The following ILDR1 variants were observed in gnomAD, a reference collection of about 807,000 sequenced individuals.
ILDR1 encodes immunoglobulin-like domain-containing receptor 1.
ILDR1 carries 56 observed loss-of-function variants against 62.4 expected under a neutral mutation model. The observed-to-expected ratio is 0.90, with a 90% CI of 0.72 to 1.12. ILDR1 has a LOEUF of 1.12. ILDR1 is among the 50% of genes most tolerant of loss of function. ILDR1 has a pLI of 0.00. For missense variants in ILDR1, 736 were observed against 710.6 expected, an observed-to-expected ratio of 1.04 and a Z score of -0.41; for synonymous variants, 284 against 277.8, an observed-to-expected ratio of 1.02 and a Z score of -0.22.
In ILDR1 at chr3:121,994,093, G is replaced by A. The variant is rs2071401179; in HGVS notation, c.778+89C>T. On this transcript the variant is annotated intron_variant, in intron 6 of 7. Coordinates refer to ENST00000344209, the MANE Select transcript of ILDR1 (RefSeq NM_001199799.2). ...TCCCATCTCCATCATGAAGATGCCT[G>A]CCGCATCGGTCACAGAGGTCTTGAT... The A allele has an allele frequency of 7.3e-6, 11 of 1,505,576 alleles. No individual in the cohort carries two copies. In the South Asian group the frequency reaches 1.2e-4, roughly 16 times the overall value. The allele number at this position is 1,505,576 out of a possible 1,614,324, so 93.3% of individuals were successfully genotyped here.
chr3:122,061,241 A>G, the ILDR1 span, among the ~76,000 whole-genome samples: 1 of 152,206 alleles, frequency 6.6e-6, no homozygotes, highest in Admixed American at 6.5e-5. Flanking sequence ...CCAATATTAC[A>G]ACTATTTTCA....
chr3:122,009,941 T>C (rs2071679040), intron 1 of ILDR1, among the ~76,000 whole-genome samples: 1 of 152,208 alleles, frequency 6.6e-6, no homozygotes, highest in African/African-American at 2.4e-5. Context: ...AGGACTGGGC[T>C]GTGATGCAGA....
chr3:122,007,377 G>T, intron 1 of ILDR1: 1 of 943,434 alleles, frequency 1.1e-6, no homozygotes, highest in Non-Finnish European at 1.6e-6. Context: ...GAAGAAAGGA[G>T]TGAGGAAAAC....
At chr3:122,040,851 C>A in the ILDR1 span, among the ~76,000 whole-genome samples, 1 of 151,830 alleles carries the variant, frequency 6.6e-6, no homozygotes, top group Non-Finnish European at 1.5e-5. Flanking sequence ...TGGGTCCATT[C>A]ATGACTGTGT....
At chr3:122,009,665 A>C (rs1212294096) in intron 1 of ILDR1, among the ~76,000 whole-genome samples, 1 of 152,180 alleles carries the variant, frequency 6.6e-6, no homozygotes, top group Non-Finnish European at 1.5e-5. Context: ...AGAGTTTTCA[A>C]ACGGAGCCAC....
intron 7 of ILDR1, among the ~76,000 whole-genome samples, chr3:121,990,307 C>G (rs1203577882): frequency 6.6e-6 from 1 of 152,162 alleles, no homozygotes; most frequent in East Asian, 1.9e-4. Context: ...AGCAATCTGC[C>G]AAATCAAGCT....
At position 122,005,482 on chromosome 3, in the gene ILDR1, G is replaced by A. The variant is rs2071594971; in HGVS notation, c.230-89C>T. On this transcript the variant is annotated intron_variant, in intron 2 of 7. Transcript: ENST00000344209. ...CTTCCTGCTCCGGGCGTGAGACACA[G>A]TGAAGTGTCTCAATTTTTCCCAAGA... 5 of 1,410,774 alleles carry A rather than the reference G, an allele frequency of 3.5e-6. No homozygotes were observed. The Admixed American group carries it at 7.0e-5, about 20-fold the overall frequency. 87.4% of individuals were successfully genotyped at this position (1,410,774 alleles called of 1,614,324 possible). A position where few individuals can be genotyped will look rare whatever the true frequency, so the allele number is the denominator to read the frequency against.
the ILDR1 span, among the ~76,000 whole-genome samples, chr3:122,052,258 A>G: frequency 1.3e-5 from 2 of 152,134 alleles, no homozygotes; most frequent in African/African-American, 4.8e-5. Context: ...CCAGGCATCT[A>G]GAGTATGCCA....
chr3:122,028,526 G>T, the ILDR1 span, among the ~76,000 whole-genome samples: 1 of 152,110 alleles, frequency 6.6e-6, no homozygotes. Context: ...ACTAGGAAAA[G>T]ATATTTGCTG....
At chr3:121,989,357 A>T (rs909130157) in intron 7 of ILDR1, among the ~76,000 whole-genome samples, 10 of 152,228 alleles carry the variant, frequency 6.6e-5, no homozygotes, top group Non-Finnish European at 1.3e-4. Flanking sequence ...CATTTTGTTG[A>T]AAGTAGGAGA....
At chr3:122,019,315 T>A (rs1377996798) in intron 1 of ILDR1, among the ~76,000 whole-genome samples, 1 of 152,234 alleles carries the variant, frequency 6.6e-6, no homozygotes, top group Non-Finnish European at 1.5e-5. Context: ...ATATGTAATA[T>A]CCATTGTTAT....
the ILDR1 span, among the ~76,000 whole-genome samples, chr3:122,045,752 T>G: frequency 6.7e-6 from 1 of 149,164 alleles, no homozygotes; most frequent in East Asian, 1.9e-4. Context: ...CCTGCATTTT[T>G]TTGTTTTCCA....
upstream of ILDR1, among the ~76,000 whole-genome samples, chr3:122,025,680 G>A (rs1213946824): frequency 7.2e-5 from 11 of 152,272 alleles, 1 homozygote; most frequent in South Asian, 1.0e-3. Context: ...TTAGAATAAT[G>A]TAATATTTGT....
intron 7 of ILDR1, among the ~76,000 whole-genome samples, chr3:121,989,113 CG>C (rs2071299167): frequency 6.6e-6 from 1 of 152,048 alleles, no homozygotes; most frequent in South Asian, 2.1e-4. Context: ...AATAAGAAAA[CG>C]AAGTATCTGT....
At chr3:122,016,597 C>A (rs1038359908) in intron 1 of ILDR1, among the ~76,000 whole-genome samples, 1 of 152,150 alleles carries the variant, frequency 6.6e-6, no homozygotes, top group African/African-American at 2.4e-5. Context: ...ACAATAAGAC[C>A]ATGCCTGTAT....
At chr3:122,009,028 G>C (rs1284334296) in intron 1 of ILDR1, among the ~76,000 whole-genome samples, 6 of 151,594 alleles carry the variant, frequency 4.0e-5, no homozygotes, top group Admixed American at 6.6e-5. Context: ...TGACCTCCTG[G>C]GTTCAAGTGA....
At chr3:122,015,206 A>C (rs1368645566) in intron 1 of ILDR1, among the ~76,000 whole-genome samples, 1 of 152,226 alleles carries the variant, frequency 6.6e-6, no homozygotes, top group Non-Finnish European at 1.5e-5. Context: ...TAAAACAGAC[A>C]CATGTATCCA....
At chr3:121,998,675 TC>T (rs1559873790) in intron 5 of ILDR1, among the ~76,000 whole-genome samples, 1 of 152,114 alleles carries the variant, frequency 6.6e-6, no homozygotes, top group Non-Finnish European at 1.5e-5. Context: ...TAAGCAGGCA[TC>T]TTGGGCGGGT....
chr3:122,007,006 C>G lies in ILDR1; in HGVS notation c.214G>C (p.Asp72His), dbSNP rs1484566864. ...GGATACTCACACGCTGAGTAGTAGT[C>G]AAAGATAGGGTCCTTGCAGAAGGAC... ...FKSFCKDPIFDYYSASYQAAL... is the reference protein window; with the variant it reads ...FKSFCKDPIFHYYSASYQAAL... The change falls in exon 2 of 8, where the codon GAC (aspartate) becomes CAC (histidine). Residue 72 changes from aspartate to histidine, a missense_variant. Asp to His is a moderately conservative substitution (Grantham distance 81). Coordinates refer to ENST00000344209, the MANE Select transcript of ILDR1 (RefSeq NM_001199799.2). The G allele has an allele frequency of 6.2e-7, 1 of 1,612,730 alleles. No individual in the cohort carries two copies. Among genetic ancestry groups the G allele is most frequent in the Non-Finnish European group, 8.5e-7 (1 of 1,179,916 alleles).
Sources: gnomAD v4.1 joint callset for allele counts (sites outside exome capture counted in the v4.1 genomes callset) on GRCh38, gnomAD v4.1.1 for gene constraint, MANE v1.5 for transcripts, NCBI Gene and HGNC (gene_info 2026-07-23, HGNC 2026-07-21) for gene names.